The following MPND variants were observed in gnomAD, a reference collection of about 807,000 sequenced individuals.
MPND encodes the protein MPN domain-containing protein.
A neutral mutation model predicts 59.2 loss-of-function variants in MPND; 56 were observed. The observed-to-expected ratio is 0.95, with a 90% confidence interval of 0.76 to 1.18. The LOEUF (loss-of-function observed/expected upper bound fraction) is 1.18, where lower values mean the gene tolerates loss of function less well. MPND is among the 50% of genes most tolerant of loss of function. The pLI is 0.00. For synonymous variants in MPND, 323 were observed against 291.9 expected, an observed-to-expected ratio of 1.11 and a Z score of -1.09; for missense variants, 671 against 676.0, an observed-to-expected ratio of 0.99 and a Z score of 0.08.
rs779472303 is a variant in MPND, at chr19:4,359,174, G to A, written c.1338G>A (p.Val446=). The change falls in exon 12 of 13, where the codon GTG becomes GTA. Residue 446 remains valine (V), a synonymous_variant. Transcript: ENST00000599840. ...NDILHEMMLL[V]EFYKGSPDLV... ...CCTCTGTCCTGTAGATGCTGCTGGT[G>A]GAGTTCTACAAGGGTTCCCCTGACC... 5 of 1,612,680 alleles carry A rather than the reference G, an allele frequency of 3.1e-6. No individual in the cohort carries two copies. The highest frequency in any genetic ancestry group is 1.7e-5 in the Admixed American group (1 of 59,976).
At chr19:4,350,532 C>T (rs78046835) in intron 3 of MPND, among the ~76,000 whole-genome samples, 3,010 of 152,138 alleles carry the variant, frequency 0.02, 45 homozygotes, top group African/African-American at 0.043. Flanking sequence ...TGGCCCAGGC[C>T]GACCATGGAG....
Position 4,358,171 on chromosome 19 carries a change from T to C in MPND, c.1325T>C (p.Met442Thr), listed in dbSNP as rs1236322002. The C allele has an allele frequency of 1.3e-6, 2 of 1,551,112 alleles. No homozygotes were observed. The highest frequency in any genetic ancestry group is 1.7e-6 in the Non-Finnish European group (2 of 1,146,892). The change falls in exon 11 of 13, where the codon ATG becomes ACG. Residue 442 changes from methionine (M) to threonine (T), a missense_variant and splice_region_variant. By Grantham distance (81) the Met-to-Thr change is moderately conservative (BLOSUM62 -1). Transcript: ENST00000599840. ...CTGACCAATGACATCCTTCACGAGA[T>C]GGTGAGCTCGCTGCGGGGCGGGCAG... is the stretch of plus-strand genomic sequence containing the variant. ...SFLTNDILHE[M>T]MLLVEFYKGS...
rs1972127278 is a variant in MPND, at chr19:4,343,898, C to CGG, written c.202_203dup (p.Leu70ArgfsTer67). 8.0e-7 allele frequency: 1 copy of CGG among 1,256,212 alleles called. No homozygotes were observed. Among genetic ancestry groups the CGG allele is most frequent in the Non-Finnish European group, 9.9e-7 (1 of 1,005,490 alleles). 77.8% of individuals were successfully genotyped at this position (1,256,212 alleles called of 1,614,324 possible). ...CCGGGGCGGGGGGCTGCGGCGGGCC[C>CGG]GGGGGCGCGCTCACCAGGCGCGCGG... On this transcript the variant is annotated frameshift_variant, in exon 2 of 13. Transcript: ENST00000599840. LOFTEE classifies it high-confidence loss of function.
intron 3 of MPND, among the ~76,000 whole-genome samples, chr19:4,346,403 C>G (rs767132073): frequency 6.6e-6 from 1 of 151,934 alleles, no homozygotes; most frequent in African/African-American, 2.4e-5. Context: ...GACCAAGGAC[C>G]CTTTGTGTGC....
At chr19:4,350,600 G>A (rs1972294830) in intron 3 of MPND, among the ~76,000 whole-genome samples, 1 of 152,188 alleles carries the variant, frequency 6.6e-6, no homozygotes, top group Non-Finnish European at 1.5e-5. Flanking sequence ...CAGATTTGCT[G>A]ATAGATCAGA....
At chr19:4,344,935 G>T (rs1599563955) in intron 2 of MPND, among the ~76,000 whole-genome samples, 1 of 149,962 alleles carries the variant, frequency 6.7e-6, no homozygotes, top group Non-Finnish European at 1.5e-5. Flanking sequence ...GTAGAGACGG[G>T]GTTTCACTAT....
Position 4,343,900 on chromosome 19 carries a change from G to A in MPND, c.200G>A (p.Gly67Glu). 2 of 1,261,056 alleles carry A rather than the reference G, an allele frequency of 1.6e-6. No homozygotes were observed. The highest frequency in any genetic ancestry group is 2.0e-6 in the Non-Finnish European group (2 of 1,008,064). 78.1% of individuals were successfully genotyped at this position (1,261,056 alleles called of 1,614,324 possible). The part of the protein sequence containing the change: ...GAGAGGCGGP[G>E]GALTRRAVTL... ...GGGGCGGGGGGCTGCGGCGGGCCCG[G>A]GGGCGCGCTCACCAGGCGCGCGGTC... is the stretch of plus-strand genomic sequence containing the variant. Residue 67 changes from glycine to glutamate, a missense_variant, in exon 2 of 13, where the codon GGG becomes GAG. Physicochemically the swap from Gly to Glu is moderately conservative, Grantham distance 98. Transcript: ENST00000599840.
chr19:4,359,109 G>T, intron 11 of MPND, 54 bp from the exon 12 acceptor site: 1 of 1,274,900 alleles, frequency 7.8e-7, no homozygotes. Flanking sequence ...GAGAGGCGCT[G>T]AGGTACCTCA....
intron 3 of MPND, among the ~76,000 whole-genome samples, chr19:4,346,383 G>A (rs1011289645): frequency 5.9e-5 from 9 of 152,092 alleles, no homozygotes; most frequent in Non-Finnish European, 1.0e-4. Flanking sequence ...TTCACCAGCC[G>A]GGTGAACTTG....
At position 4,345,896 on chromosome 19, in the gene MPND, A is replaced by G; in HGVS notation, c.446A>G (p.Lys149Arg). The G allele has an allele frequency of 6.2e-7, 1 of 1,613,962 alleles. No homozygotes were observed. The highest frequency in any genetic ancestry group is 8.5e-7 in the Non-Finnish European group (1 of 1,180,018). ...TCGGGCTGTGGCTGGGCCTCTGTCA[A>G]GTACAAAGGCCAGAAACTGGACAAG... ...KKSGCGWASV[K>R]YKGQKLDKYK... Residue 149 changes from lysine (K) to arginine (R), a missense_variant, in exon 3 of 13, where the codon AAG (lysine) becomes AGG (arginine). Lys to Arg is a conservative substitution (Grantham distance 26, BLOSUM62 2). Transcript: ENST00000599840.
intron 3 of MPND, among the ~76,000 whole-genome samples, chr19:4,351,713 T>A (rs939773885): frequency 6.6e-6 from 1 of 151,438 alleles, no homozygotes; most frequent in Non-Finnish European, 1.5e-5. Context: ...ATACAAAAAA[T>A]TAGCTGGGCG....
At chr19:4,359,400 G>C (rs1972526640) in intron 12 of MPND, 145 bp downstream of exon 12, 3 of 617,966 alleles carry the variant, frequency 4.9e-6, no homozygotes, top group Non-Finnish European at 8.6e-6. Flanking sequence ...GTCACCCCGT[G>C]GCCACCCCAG....
intron 3 of MPND, among the ~76,000 whole-genome samples, chr19:4,352,376 A>C (rs56828298): frequency 0.42 from 63,964 of 152,062 alleles, 13,775 homozygotes; most frequent in Non-Finnish European, 0.47. Flanking sequence ...AAGGTTGCGC[A>C]GGGCTTGTAT....
intron 2 of MPND, among the ~76,000 whole-genome samples, chr19:4,344,212 A>G (rs916531141): frequency 3.6e-4 from 53 of 148,250 alleles, no homozygotes; most frequent in Non-Finnish European, 6.7e-4. Flanking sequence ...GGGGAAACTG[A>G]GGCTCGGAGC....
intron 2 of MPND, among the ~76,000 whole-genome samples, 178 bp from the exon 3 acceptor site, chr19:4,345,567 A>G: frequency 6.6e-6 from 1 of 152,084 alleles, no homozygotes; most frequent in Middle Eastern, 3.2e-3. Flanking sequence ...GTGCAGGCTG[A>G]TCAGGTTTGT....
In MPND at chr19:4,352,908, T is replaced by C; in HGVS notation, c.543T>C (p.Ser181=). The C allele has an allele frequency of 7.2e-7, 1 of 1,385,886 alleles. No individual in the cohort carries two copies. The highest frequency in any genetic ancestry group is 9.4e-7 in the Non-Finnish European group (1 of 1,061,344). The allele number at this position is 1,385,886 out of a possible 1,614,324, so 85.8% of individuals were successfully genotyped here. Residue 181 remains serine, a synonymous_variant, in exon 4 of 13, where the codon AGT becomes AGC. Coordinates refer to ENST00000599840, the MANE Select transcript of MPND (RefSeq NM_001300862.2). ...PATAADESPA[S]EGEEEELLME... The stretch of plus-strand genomic sequence containing the variant: ...CCTAACCCCTGCAGAGCCCAGCCAG[T>C]GAAGGGGAGGAGGAGGAGTTGCTGA...
chr19:4,353,945 C>CA, intron 4 of MPND, 100 bp from the exon 5 acceptor site: 1 of 1,000,366 alleles, frequency 1.0e-6, no homozygotes, highest in African/African-American at 1.6e-5. Context: ...CCTCCTGCTT[C>CA]AGCACTGGGA....
chr19:4,357,174 GT>G, intron 8 of MPND, 78 bp from the exon 9 acceptor site: 2 of 1,460,058 alleles, frequency 1.4e-6, no homozygotes, highest in Non-Finnish European at 1.8e-6. Flanking sequence ...GCAGGAATTC[GT>G]TCAGGGCTGG....
chr19:4,354,656 A>T (rs974772621), intron 6 of MPND: 8 of 595,034 alleles, frequency 1.3e-5, no homozygotes, highest in Non-Finnish European at 1.8e-5. Flanking sequence ...ACCTGAACTC[A>T]GGAGTTCGAG....
Sources: allele counts gnomAD v4.1 joint callset (sites outside exome capture counted in the v4.1 genomes callset), GRCh38; gene constraint gnomAD v4.1.1; transcripts MANE v1.5; gene names NCBI Gene and HGNC (gene_info 2026-07-23, HGNC 2026-07-21).